The following PARP12 variants were observed in gnomAD, a reference collection of about 807,000 sequenced individuals.
PARP12 encodes the protein protein mono-ADP-ribosyltransferase PARP12.
In PARP12, 59 loss-of-function variants were observed where a neutral mutation model predicts 72.4. That is an observed-to-expected ratio of 0.81 (90% CI 0.66 to 1.01). The LOEUF is 1.01. PARP12 is among the 50% of genes least tolerant of loss of function. The pLI, the probability that PARP12 is intolerant of heterozygous loss-of-function variation, is 0.00. For synonymous variants in PARP12, 403 were observed against 371.4 expected, an observed-to-expected ratio of 1.09 and a Z score of -0.98; for missense variants, 851 against 914.0, an observed-to-expected ratio of 0.93 and a Z score of 0.89.
intron 1 of PARP12, among the ~76,000 whole-genome samples, chr7:140,061,341 G>GGAGGTCA (rs1562933698): frequency 6.6e-6 from 1 of 152,136 alleles, no homozygotes; most frequent in African/African-American, 2.4e-5. Flanking sequence ...GGCACAGAGC[G>GGAGGTCA]GAGGTCAGTC....
rs146099358 is a variant in PARP12 at position 140,023,859 on chromosome 7, G to T, written c.*701C>A. On this transcript the variant is annotated 3_prime_UTR_variant, in exon 12 of 12. Transcript: ENST00000263549. ...ACTCGAAGGGTGTCCAGTGTGCTTA[G>T]GAAATGTGGGTTTGCGCAATCACAG... 20 of 156,306 alleles carry T rather than the reference G, an allele frequency of 1.3e-4. No individual in the cohort carries two copies. Among genetic ancestry groups the T allele is most frequent in the Admixed American group, 4.3e-4 (7 of 16,204 alleles). The allele number at this position is 156,306 out of a possible 1,614,324, so 9.7% of individuals were successfully genotyped here. A position where few individuals can be genotyped will look rare whatever the true frequency, so the allele number is the denominator to read the frequency against.
At chr7:140,033,594 C>A in intron 8 of PARP12, 6 of 985,382 alleles carry the variant, frequency 6.1e-6, no homozygotes, top group Non-Finnish European at 7.2e-6. Flanking sequence ...AATCCCATCC[C>A]ACCTCCCCAA....
chr7:140,060,148 T>C (rs913355757), intron 1 of PARP12, among the ~76,000 whole-genome samples: 4 of 152,216 alleles, frequency 2.6e-5, no homozygotes, highest in African/African-American at 4.8e-5. Context: ...AGTAATATCA[T>C]TAACTCCACT....
intron 6 of PARP12, 142 bp from the exon 7 acceptor site, chr7:140,037,998 T>C (rs67617970): frequency 0.051 from 73,437 of 1,444,572 alleles, 2,383 homozygotes; most frequent in South Asian, 0.13. Context: ...GAGCATGGTA[T>C]GGCAGGAGAG....
intron 8 of PARP12, among the ~76,000 whole-genome samples, chr7:140,029,827 A>G (rs1398450321): frequency 6.6e-6 from 1 of 152,230 alleles, no homozygotes; most frequent in Non-Finnish European, 1.5e-5. Context: ...GAGCTGAAAC[A>G]TATGTGAAAT....
At chr7:140,040,331 C>T (rs377267317) in intron 6 of PARP12, among the ~76,000 whole-genome samples, 5 of 152,170 alleles carry the variant, frequency 3.3e-5, no homozygotes, top group African/African-American at 1.2e-4. Flanking sequence ...TCGCCCACGA[C>T]GGGAGGGAGA....
chr7:140,062,447 AC>A (rs1562934479), intron 1 of PARP12, 74 bp downstream of exon 1: 1 of 1,385,092 alleles, frequency 7.2e-7, no homozygotes, highest in Non-Finnish European at 9.6e-7. Flanking sequence ...TTCAAGTAGG[AC>A]CCCCAAGCGG....
At chr7:140,029,916 G>A (rs543117350) in intron 8 of PARP12, among the ~76,000 whole-genome samples, 1 of 152,144 alleles carries the variant, frequency 6.6e-6, no homozygotes, top group African/African-American at 2.4e-5. Context: ...AGAACAGTGA[G>A]AACTTGAATA....
chr7:140,027,193 G>A (rs1032982242), intron 10 of PARP12, 83 bp downstream of exon 10: 7 of 1,545,958 alleles, frequency 4.5e-6, no homozygotes, highest in African/African-American at 1.4e-5. Flanking sequence ...TGCTTTTCCT[G>A]GAAACCCGGG....
At chr7:140,033,908 C>A (rs1432655714) in intron 8 of PARP12, 2 of 1,002,300 alleles carry the variant, frequency 2.0e-6, no homozygotes, top group East Asian at 2.1e-4. Flanking sequence ...TTAAAAAATT[C>A]AAGTCTATGA....
intron 7 of PARP12, among the ~76,000 whole-genome samples, chr7:140,035,759 A>G (rs925839765): frequency 3.3e-4 from 50 of 152,058 alleles, no homozygotes; most frequent in African/African-American, 1.1e-3. Context: ...GACTTGCTTT[A>G]TACTTAGAAG....
rs546292004 is a variant in PARP12 at position 140,060,985 on chromosome 7, CT to C, written c.326+1536del. Among the ~76,000 whole-genome samples, 5 of 152,320 alleles carry C rather than the reference CT, an allele frequency of 3.3e-5. No homozygotes were observed. In the South Asian group the frequency reaches 1.0e-3, roughly 32 times the overall value. On this transcript the variant is annotated intron_variant, in intron 1 of 11. Transcript: ENST00000263549. ...TTCCAAACTAAAACCCTCTCTTGCT[CT>C]CTCAGTGAACAACACCCAGGCCACC...
intron 4 of PARP12, 88 bp downstream of exon 4, chr7:140,054,574 G>A: frequency 9.0e-7 from 1 of 1,116,368 alleles, no homozygotes; most frequent in Non-Finnish European, 1.4e-6. Context: ...GTAGAGGTTT[G>A]GTAGGGGGTG....
Position 140,062,647 on chromosome 7 carries a change from C to G in PARP12, c.201G>C (p.Leu67=). Residue 67 remains leucine (L), a synonymous_variant, in exon 1 of 12, where the codon CTG becomes CTC. Coordinates refer to ENST00000263549, the MANE Select transcript of PARP12 (RefSeq NM_022750.4). ...GAAAAPERVV[L]AASPLRLCRA... Reference sequence around the variant, plus strand: ...GACACAGGCGCAGCGGCGAGGCGGCCAGCACCACGCGCTCCGGGGCCGCGG... The same window carrying G: ...GACACAGGCGCAGCGGCGAGGCGGCGAGCACCACGCGCTCCGGGGCCGCGG... 4 of 1,388,590 alleles carry G rather than the reference C, an allele frequency of 2.9e-6. No homozygotes were observed. Among genetic ancestry groups the G allele is most frequent in the Non-Finnish European group, 3.7e-6 (4 of 1,071,364 alleles). 86.0% of individuals were successfully genotyped at this position (1,388,590 alleles called of 1,614,324 possible). A position where few individuals can be genotyped will look rare whatever the true frequency, so the allele number is the denominator to read the frequency against.
At chr7:140,056,631 A>T (rs1817189203) in intron 3 of PARP12, among the ~76,000 whole-genome samples, 2 of 152,082 alleles carry the variant, frequency 1.3e-5, no homozygotes, top group African/African-American at 4.8e-5. Flanking sequence ...ACCAATTCAC[A>T]TTTGTCTAGG....
Position 140,062,863 on chromosome 7 carries a change from T to G in PARP12, c.-16A>C, listed in dbSNP as rs925475232. 1 of 1,277,160 alleles carries G rather than the reference T, an allele frequency of 7.8e-7. No homozygotes were observed. The highest frequency in any genetic ancestry group is 4.2e-5 in the Admixed American group (1 of 23,726). The allele number at this position is 1,277,160 out of a possible 1,614,324, so 79.1% of individuals were successfully genotyped here. Reference sequence around the variant, plus strand: ...CCTGGGCCATGGCCGCTGGGCCTGCTCCCGTCGGACCGCGGGTGGCGCGAC... The same window carrying G: ...CCTGGGCCATGGCCGCTGGGCCTGCGCCCGTCGGACCGCGGGTGGCGCGAC... On this transcript the variant is annotated 5_prime_UTR_variant, in exon 1 of 12. Transcript: ENST00000263549.
chr7:140,048,247 C>A (rs1816817087), intron 4 of PARP12, among the ~76,000 whole-genome samples: 1 of 152,334 alleles, frequency 6.6e-6, no homozygotes, highest in Non-Finnish European at 1.5e-5. Flanking sequence ...ATGGCCCAGA[C>A]CTATGGGTTC....
intron 6 of PARP12, among the ~76,000 whole-genome samples, chr7:140,041,118 T>C (rs1585095934): frequency 6.6e-6 from 1 of 152,216 alleles, no homozygotes; most frequent in Non-Finnish European, 1.5e-5. Flanking sequence ...ATCTGACCCA[T>C]CCACAAACAC....
chr7:140,051,509 T>A (rs1475948058), intron 4 of PARP12, among the ~76,000 whole-genome samples: 1 of 151,840 alleles, frequency 6.6e-6, no homozygotes, highest in Non-Finnish European at 1.5e-5. Context: ...TCCTGCCTCA[T>A]CCTCCCAAGT....
Sources: allele counts gnomAD v4.1 joint callset (sites outside exome capture counted in the v4.1 genomes callset), GRCh38; gene constraint gnomAD v4.1.1; transcripts MANE v1.5; gene names NCBI Gene and HGNC (gene_info 2026-07-23, HGNC 2026-07-21).